The following PLD5 variants were observed in gnomAD, a reference collection of about 807,000 sequenced individuals.
PLD5 encodes phospholipase D family member 5.
PLD5 carries 36 observed loss-of-function variants against 61.1 expected under a neutral mutation model. The observed-to-expected ratio is 0.59, with a 90% CI of 0.45 to 0.78. PLD5 has a LOEUF of 0.78. Among genes scored for constraint, PLD5 ranks in the 30% least tolerant of loss-of-function variants. The pLI, the probability that PLD5 is intolerant of heterozygous loss-of-function variation, is 0.00. For synonymous variants in PLD5, 243 were observed against 242.8 expected (o/e 1.00, Z -0.01); for missense variants, 515 against 644.4 (o/e 0.80, Z 2.17).
chr1:242,151,555 A>G (rs76525174), intron 5 of PLD5, among the ~76,000 whole-genome samples: 5,598 of 152,082 alleles, frequency 0.037, 339 homozygotes, highest in African/African-American at 0.13. Context: ...TATATGTAAT[A>G]TATTTTTTCA....
chr1:242,279,764 C>T (rs1372232904), intron 3 of PLD5, among the ~76,000 whole-genome samples: 3 of 152,240 alleles, frequency 2.0e-5, no homozygotes, highest in Non-Finnish European at 4.4e-5. Context: ...GACCTACTGA[C>T]CTCGTGATCC....
At chr1:242,271,160 C>G (rs1476846703) in intron 3 of PLD5, among the ~76,000 whole-genome samples, 1 of 146,438 alleles carries the variant, frequency 6.8e-6, no homozygotes, top group African/African-American at 2.6e-5. Context: ...AGAAATATCT[C>G]AAAGTACACA....
Position 242,219,975 on chromosome 1 carries a change from G to A in PLD5, c.735+13C>T, listed in dbSNP as rs778867183. On this transcript the variant is annotated intron_variant, in intron 5 of 9. Coordinates refer to ENST00000536534, the MANE Select transcript of PLD5 (RefSeq NM_001372062.1). ...TGACAGAACATTGAGTTTACATAAC[G>A]TAGAAAGCTTACCTGTCCCAGGGAT... 6 of 1,611,328 alleles carry A rather than the reference G, an allele frequency of 3.7e-6. No homozygotes were observed. The highest frequency in any genetic ancestry group is 3.3e-5 in the Admixed American group (2 of 59,980).
At chr1:242,096,412 G>T (rs924676814) in intron 9 of PLD5, among the ~76,000 whole-genome samples, 3 of 151,822 alleles carry the variant, frequency 2.0e-5, no homozygotes, top group Non-Finnish European at 2.9e-5. Context: ...CGCAATCTTG[G>T]TTCACCGCAA....
intron 1 of PLD5, among the ~76,000 whole-genome samples, chr1:242,425,853 C>T (rs1248959650): frequency 1.3e-5 from 2 of 151,938 alleles, no homozygotes; most frequent in Admixed American, 6.6e-5. Context: ...TCCTGTTGGA[C>T]AGGATGGTCT....
intron 1 of PLD5, among the ~76,000 whole-genome samples, chr1:242,484,409 C>T (rs1278800330): frequency 6.6e-6 from 1 of 152,124 alleles, no homozygotes; most frequent in Non-Finnish European, 1.5e-5. Context: ...TACAAACTAC[C>T]ATCAGAGAAT....
At chr1:242,265,095 T>C (rs542322206) in intron 4 of PLD5, among the ~76,000 whole-genome samples, 17 of 152,344 alleles carry the variant, frequency 1.1e-4, no homozygotes, top group South Asian at 6.2e-4. Context: ...CAGTTAATCA[T>C]CATTTATTGA....
chr1:242,435,676 A>G (rs1176821288), intron 1 of PLD5, among the ~76,000 whole-genome samples: 2 of 152,210 alleles, frequency 1.3e-5, no homozygotes, highest in Non-Finnish European at 2.9e-5. Context: ...TTGTGACCAG[A>G]GGCTTGGAGA....
intron 1 of PLD5, among the ~76,000 whole-genome samples, chr1:242,414,596 C>T (rs73132396): frequency 0.037 from 5,702 of 152,194 alleles, 383 homozygotes; most frequent in African/African-American, 0.13. Context: ...ATGGGAAAAA[C>T]ATAGTCATTT....
Position 242,348,178 on chromosome 1 carries a change from A to C in PLD5, c.254T>G (p.Ile85Ser), listed in dbSNP as rs1188079784. 7 of 1,613,832 alleles carry C rather than the reference A, an allele frequency of 4.3e-6. No individual in the cohort carries two copies. In the Admixed American group the frequency reaches 1.2e-4, roughly 27 times the overall value. The change falls in exon 2 of 10, where the codon ATC becomes AGC. Residue 85 changes from isoleucine to serine, a missense_variant. Physicochemically the swap from Ile to Ser is moderately radical, Grantham distance 142. Coordinates refer to ENST00000536534, the MANE Select transcript of PLD5 (RefSeq NM_001372062.1). ...VCCFAILVAL[I>S]FSAVDIMGED... ...TCCCATGATGTCCACGGCTGAAAAG[A>C]TCAGTGCAACCAGAATGGCAAAGCA...
chr1:242,163,347 G>A (rs1350112749), intron 5 of PLD5, among the ~76,000 whole-genome samples: 1 of 151,936 alleles, frequency 6.6e-6, no homozygotes, highest in Non-Finnish European at 1.5e-5. Context: ...GTTTCACTGT[G>A]TTAGCCAGGA....
At chr1:242,363,190 CAA>C (rs1390088767) in intron 1 of PLD5, among the ~76,000 whole-genome samples, 2 of 151,996 alleles carry the variant, frequency 1.3e-5, no homozygotes, top group African/African-American at 4.8e-5. Context: ...GAATAATCGC[CAA>C]CCCACACACA....
chr1:242,494,068 CCACTCCCCTCCCCTG>C (rs1207592741), intron 1 of PLD5, among the ~76,000 whole-genome samples: 1 of 36,026 alleles, frequency 2.8e-5, no homozygotes, highest in Admixed American at 2.3e-4. Flanking sequence ...TCCCTTCCCT[CCACTCCCCTCCCCTG>C]CCCTCCCTTC....
intron 2 of PLD5, among the ~76,000 whole-genome samples, chr1:242,317,686 G>C (rs780279598): frequency 9.9e-5 from 15 of 151,470 alleles, no homozygotes; most frequent in Non-Finnish European, 2.1e-4. Flanking sequence ...TAGGTCAGAA[G>C]GTAGTTAAAA....
intron 5 of PLD5, among the ~76,000 whole-genome samples, chr1:242,205,528 C>G (rs886945396): frequency 1.3e-5 from 2 of 152,064 alleles, no homozygotes; most frequent in African/African-American, 4.8e-5. Flanking sequence ...TCTAAACAGC[C>G]CAGGTAACCT....
At chr1:242,092,854 G>A (rs1047254517) in intron 9 of PLD5, among the ~76,000 whole-genome samples, 4 of 152,112 alleles carry the variant, frequency 2.6e-5, no homozygotes, top group Non-Finnish European at 4.4e-5. Context: ...GCACCCCTGA[G>A]AACATCAGAA....
At position 242,256,379 on chromosome 1, in the gene PLD5, A is replaced by G. The variant is rs577102999; in HGVS notation, c.607+8958T>C. On this transcript the variant is annotated intron_variant, in intron 4 of 9. Transcript: ENST00000536534. This position sits in a 1 kb window ranked among gnomAD's most constrained non-coding sequence, Gnocchi z 5.7. ...AAGATCTATTTCTCTATCTGATTTGAATGTCCCTCAAGAATCATTCGTTTA... is the reference window on the plus strand; with the variant it reads ...AAGATCTATTTCTCTATCTGATTTGGATGTCCCTCAAGAATCATTCGTTTA... 4.6e-5 allele frequency among the ~76,000 whole-genome samples: 7 copies of G among 152,358 alleles called. No individual in the cohort carries two copies. The highest frequency in any genetic ancestry group is 1.4e-4 in the African/African-American group (6 of 41,590).
chr1:242,453,315 A>G (rs892575769), intron 1 of PLD5, among the ~76,000 whole-genome samples: 5 of 152,226 alleles, frequency 3.3e-5, no homozygotes, highest in Non-Finnish European at 7.3e-5. Flanking sequence ...AGCCTCCAGA[A>G]TCGGGAGAAA....
At chr1:242,391,753 G>C (rs534119701) in intron 1 of PLD5, among the ~76,000 whole-genome samples, 1 of 151,134 alleles carries the variant, frequency 6.6e-6, no homozygotes, top group Admixed American at 6.6e-5. Flanking sequence ...ACTCAGCTCT[G>C]TCTTGGGCAA....
Sources: allele counts gnomAD v4.1 joint callset (sites outside exome capture counted in the v4.1 genomes callset), GRCh38; gene constraint gnomAD v4.1.1; non-coding constraint Gnocchi (gnomAD v3.1); transcripts MANE v1.5; gene names NCBI Gene and HGNC (gene_info 2026-07-23, HGNC 2026-07-21).